RASGRF2: variants seen among roughly 807,000 people sequenced by gnomAD.
RASGRF2 encodes ras-specific guanine nucleotide-releasing factor 2.
A neutral mutation model predicts 151.0 loss-of-function variants in RASGRF2; 76 were observed. That is an observed-to-expected ratio of 0.50 (90% CI 0.42 to 0.61). The LOEUF is 0.61. Ranked by LOEUF, RASGRF2 falls within the 20% of genes least tolerant of loss-of-function variation. RASGRF2 has a pLI of 0.00. For synonymous variants in RASGRF2, 504 were observed against 566.5 expected, an observed-to-expected ratio of 0.89 and a Z score of 1.57; for missense variants, 1,148 against 1,564.6, an observed-to-expected ratio of 0.73 and a Z score of 4.49.
chr5:80,991,141 C>T lies in RASGRF2; in HGVS notation c.288+30115C>T, dbSNP rs917593230. Among the ~76,000 whole-genome samples, 5 of 152,124 alleles carry T rather than the reference C, an allele frequency of 3.3e-5. No homozygotes were observed. In the South Asian group the frequency reaches 1.0e-3, roughly 32 times the overall value. On this transcript the variant is annotated intron_variant, in intron 1 of 26. Coordinates refer to ENST00000265080, the MANE Select transcript of RASGRF2 (RefSeq NM_006909.3). The stretch of plus-strand genomic sequence containing the variant: ...AAAGATCTGCAAATCCCCTGGAGGC[C>T]TTGTAAAATGCAAACTTGGGGCCAG...
At chr5:81,141,483 G>A (rs1347516096) in intron 17 of RASGRF2, among the ~76,000 whole-genome samples, 1 of 152,142 alleles carries the variant, frequency 6.6e-6, no homozygotes, top group Non-Finnish European at 1.5e-5. Context: ...GAAGGGTCTT[G>A]CCCAGGTTCT....
At chr5:81,068,871 G>A (rs987050895) in intron 3 of RASGRF2, among the ~76,000 whole-genome samples, 3 of 152,126 alleles carry the variant, frequency 2.0e-5, no homozygotes, top group African/African-American at 4.8e-5. Flanking sequence ...AATCCTGAAT[G>A]TACCTTTCCC....
intron 2 of RASGRF2, among the ~76,000 whole-genome samples, chr5:81,062,823 C>T (rs566311986): frequency 6.6e-6 from 1 of 152,202 alleles, no homozygotes; most frequent in South Asian, 2.1e-4. Flanking sequence ...TCTTTGATTT[C>T]TGTTTTGTTT....
In RASGRF2 at chr5:81,029,080, A is replaced by G. The variant is rs560061848; in HGVS notation, c.289-13797A>G. ...CACAGCAGCCTGAGATTGGACTGCA[A>G]GGCAGCAGTGAGGCTGGGGTAGGGG... On this transcript the variant is annotated intron_variant, in intron 1 of 26. Coordinates refer to ENST00000265080, the MANE Select transcript of RASGRF2 (RefSeq NM_006909.3). 3.6e-3 allele frequency among the ~76,000 whole-genome samples: 549 copies of G among 152,340 alleles called. 3 individuals are homozygous for G. Among genetic ancestry groups the G allele is most frequent in the Non-Finnish European group, 6.2e-3 (422 of 68,016 alleles).
chr5:81,157,361 A>C (rs1042632296), intron 17 of RASGRF2, among the ~76,000 whole-genome samples: 17 of 152,088 alleles, frequency 1.1e-4, no homozygotes, highest in African/African-American at 3.6e-4. Context: ...GTCTAAAAAA[A>C]AAAAAAAAAA....
intron 17 of RASGRF2, among the ~76,000 whole-genome samples, chr5:81,134,187 T>C (rs1025912908): frequency 6.6e-6 from 1 of 152,036 alleles, no homozygotes; most frequent in African/African-American, 2.4e-5. Flanking sequence ...GATTTGGATG[T>C]AGATGGATTT....
At chr5:80,961,282 G>A (rs1216977502) in intron 1 of RASGRF2, among the ~76,000 whole-genome samples, 1 of 152,196 alleles carries the variant, frequency 6.6e-6, no homozygotes, top group African/African-American at 2.4e-5. Context: ...CATTACCCTG[G>A]TAGAGGTCGA....
chr5:81,001,650 A>G (rs1398103470), intron 1 of RASGRF2, among the ~76,000 whole-genome samples: 1 of 150,888 alleles, frequency 6.6e-6, no homozygotes, highest in Non-Finnish European at 1.5e-5. Flanking sequence ...GCCTTCCCAC[A>G]GTCATCTACA....
At chr5:80,997,406 C>T (rs1055670309) in intron 1 of RASGRF2, 2 of 152,240 alleles carry the variant, frequency 1.3e-5, no homozygotes, top group Non-Finnish European at 2.9e-5. Context: ...AATACAGAAA[C>T]AGACCCCTCT....
At chr5:80,971,474 A>G (rs1388583438) in intron 1 of RASGRF2, among the ~76,000 whole-genome samples, 1 of 151,956 alleles carries the variant, frequency 6.6e-6, no homozygotes, top group Non-Finnish European at 1.5e-5. Flanking sequence ...ATCATGGCTC[A>G]CTGCAGCCTC....
At chr5:81,212,164 C>T (rs1755642798) in intron 22 of RASGRF2, among the ~76,000 whole-genome samples, 1 of 152,204 alleles carries the variant, frequency 6.6e-6, no homozygotes, top group Non-Finnish European at 1.5e-5. Context: ...CCTGTGTTCA[C>T]TCAAAGGACA....
chr5:81,042,466 G>A lies in RASGRF2; in HGVS notation c.289-411G>A, dbSNP rs550336188. ...CTTCCCAGAATGGAGAATAGATATA[G>A]AATAGAACAGACAATAAAATTAGCT... On this transcript the variant is annotated intron_variant, in intron 1 of 26. Transcript: ENST00000265080. 4.9e-4 allele frequency among the ~76,000 whole-genome samples: 75 copies of A among 152,350 alleles called. 1 individual carries two copies. The highest frequency in any genetic ancestry group is 8.2e-4 in the Non-Finnish European group (56 of 68,038).
At chr5:80,962,223 C>T (rs1443293451) in intron 1 of RASGRF2, among the ~76,000 whole-genome samples, 2 of 152,162 alleles carry the variant, frequency 1.3e-5, no homozygotes, top group Non-Finnish European at 2.9e-5. Context: ...TGTTATAACA[C>T]TTATAAATCT....
chr5:81,121,870 A>G (rs1366649570), intron 15 of RASGRF2, among the ~76,000 whole-genome samples: 1 of 152,216 alleles, frequency 6.6e-6, no homozygotes. Flanking sequence ...CACTTAGACC[A>G]TGGCCGTGCA....
At position 80,994,345 on chromosome 5, in the gene RASGRF2, G is replaced by A. The variant is rs187858112; in HGVS notation, c.288+33319G>A. ...TGCACCACTGCACTCCAGCCTGGGC[G>A]ACAGAGCGACACTCTGTCTCAAAAA... On this transcript the variant is annotated intron_variant, in intron 1 of 26. Coordinates refer to ENST00000265080, the MANE Select transcript of RASGRF2 (RefSeq NM_006909.3). 9.7e-3 allele frequency among the ~76,000 whole-genome samples: 1,257 copies of A among 129,358 alleles called. 30 individuals are homozygous for A. Among genetic ancestry groups the A allele is most frequent in the African/African-American group, 0.035 (1,184 of 33,358 alleles). The allele number at this position is 129,358 out of a possible 152,430, so 84.9% of individuals were successfully genotyped here. A position where few individuals can be genotyped will look rare whatever the true frequency, so the allele number is the denominator to read the frequency against.
chr5:81,126,941 G>T, intron 16 of RASGRF2, 133 bp from the exon 17 acceptor site: 1 of 871,792 alleles, frequency 1.1e-6, no homozygotes, highest in Non-Finnish European at 1.8e-6. Context: ...CTTGTTGTTT[G>T]CCCATTAACA....
In RASGRF2 at chr5:81,161,553, A is replaced by G. The variant is rs138506649; in HGVS notation, c.2687-18622A>G. Among the ~76,000 whole-genome samples the G allele has an allele frequency of 1.1e-3, 169 of 152,352 alleles. 1 individual carries two copies. The highest frequency in any genetic ancestry group is 4.0e-3 in the African/African-American group (165 of 41,584). On this transcript the variant is annotated intron_variant, in intron 17 of 26. Transcript: ENST00000265080. Reference sequence around the variant, plus strand: ...GAGATGCGTTAAATCCTTGCTCTCCAGTTCTTAGAATCTTCAGGAGCAAGA... The same window carrying G: ...GAGATGCGTTAAATCCTTGCTCTCCGGTTCTTAGAATCTTCAGGAGCAAGA...
intron 18 of RASGRF2, among the ~76,000 whole-genome samples, chr5:81,195,508 A>G (rs1041941790): frequency 6.6e-6 from 1 of 152,170 alleles, no homozygotes; most frequent in Admixed American, 6.5e-5. Context: ...AAAAAATAAA[A>G]TCATTCTAGG....
At chr5:81,209,078 G>T (rs942437481) in intron 22 of RASGRF2, among the ~76,000 whole-genome samples, 1 of 152,106 alleles carries the variant, frequency 6.6e-6, no homozygotes, top group Non-Finnish European at 1.5e-5. Flanking sequence ...TGTGTCACTG[G>T]CCCCTGGTGG....
Sources: allele counts gnomAD v4.1 joint callset (sites outside exome capture counted in the v4.1 genomes callset), GRCh38; gene constraint gnomAD v4.1.1; transcripts MANE v1.5; gene names NCBI Gene and HGNC (gene_info 2026-07-23, HGNC 2026-07-21).